The following PRKD1 variants were observed in gnomAD, a reference collection of about 807,000 sequenced individuals.
PRKD1 encodes the protein protein kinase D1, also known as serine/threonine-protein kinase D1.
PRKD1 carries 63 observed loss-of-function variants against 95.9 expected under a neutral mutation model. That is an observed-to-expected ratio of 0.66 (90% CI 0.54 to 0.81). The LOEUF is 0.81. Among genes scored for constraint, PRKD1 ranks in the 30% least tolerant of loss-of-function variants. The probability of loss-of-function intolerance (pLI) is 0.00; values close to 1 mark genes in which losing one functional copy is unlikely to be tolerated. For missense variants in PRKD1, 1,048 were observed against 1,165.3 expected (o/e 0.90, Z 1.47); for synonymous variants, 425 against 423.1 (o/e 1.00, Z -0.05).
intron 4 of PRKD1, among the ~76,000 whole-genome samples, chr14:29,655,997 C>A (rs1356980464): frequency 6.6e-6 from 1 of 151,012 alleles, no homozygotes; most frequent in Non-Finnish European, 1.5e-5. Flanking sequence ...CAGTTACAGC[C>A]ATCTTTAGGC....
At chr14:29,893,851 G>A (rs975758824) in intron 1 of PRKD1, among the ~76,000 whole-genome samples, 6 of 152,128 alleles carry the variant, frequency 3.9e-5, no homozygotes, top group Admixed American at 1.3e-4. Context: ...CTGCCTGTGA[G>A]GCTATATTTA....
chr14:29,904,876 A>G (rs2139435336), intron 1 of PRKD1, among the ~76,000 whole-genome samples: 1 of 152,350 alleles, frequency 6.6e-6, no homozygotes, highest in Admixed American at 6.5e-5. Context: ...TTGTAAAATC[A>G]TCGGTCTAAA....
At chr14:29,628,310 T>A (rs1012894253) in intron 11 of PRKD1, among the ~76,000 whole-genome samples, 2 of 152,228 alleles carry the variant, frequency 1.3e-5, no homozygotes, top group African/African-American at 4.8e-5. Flanking sequence ...TAAACTGCAT[T>A]CTTTTGGCCA....
At chr14:29,641,754 A>G (rs928840268) in intron 4 of PRKD1, among the ~76,000 whole-genome samples, 5 of 152,228 alleles carry the variant, frequency 3.3e-5, no homozygotes, top group Non-Finnish European at 5.9e-5. Flanking sequence ...TTGTTGATAC[A>G]TAACAGATTA....
chr14:29,922,519 T>C (rs987464530), intron 1 of PRKD1, among the ~76,000 whole-genome samples: 22 of 152,146 alleles, frequency 1.4e-4, no homozygotes, highest in Non-Finnish European at 2.6e-4. Context: ...AAATTCCACA[T>C]CTGTAATACA....
At chr14:29,632,977 T>TA (rs757514593) in intron 8 of PRKD1, 31 bp from the exon 9 acceptor site, 203 of 1,541,982 alleles carry the variant, frequency 1.3e-4, no homozygotes, top group Non-Finnish European at 1.8e-4. Flanking sequence ...AAGATCTTTT[T>TA]AAAAAACTTT....
chr14:29,716,300 G>T (rs1446791984), intron 2 of PRKD1, among the ~76,000 whole-genome samples: 5 of 152,162 alleles, frequency 3.3e-5, no homozygotes, highest in Non-Finnish European at 7.4e-5. Flanking sequence ...AGAGAAGCTT[G>T]ATATGTCCTT....
chr14:29,689,465 C>CA (rs148283686), intron 2 of PRKD1, among the ~76,000 whole-genome samples: 3,047 of 151,916 alleles, frequency 0.02, 95 homozygotes, highest in East Asian at 0.094. Flanking sequence ...ACAACAACAA[C>CA]AAAAAAACAA....
intron 1 of PRKD1, among the ~76,000 whole-genome samples, chr14:29,821,988 T>C (rs1427592578): frequency 1.3e-5 from 2 of 152,110 alleles, no homozygotes; most frequent in African/African-American, 2.4e-5. Context: ...TACCCTCTCA[T>C]AGAGACCGTG....
At chr14:29,772,605 TAATGTC>T (rs1307146562) in intron 1 of PRKD1, among the ~76,000 whole-genome samples, 2 of 152,240 alleles carry the variant, frequency 1.3e-5, no homozygotes, top group Non-Finnish European at 2.9e-5. Context: ...GATACCTACT[TAATGTC>T]AATCACATTT....
chr14:29,650,161 G>A (rs558789962), intron 4 of PRKD1: 1 of 152,356 alleles, frequency 6.6e-6, no homozygotes, highest in Non-Finnish European at 1.5e-5. Flanking sequence ...TCTCTGTTGG[G>A]GTGTGAGTTT....
intron 2 of PRKD1, among the ~76,000 whole-genome samples, chr14:29,690,890 C>A (rs1422442655): frequency 6.6e-6 from 1 of 152,162 alleles, no homozygotes; most frequent in Non-Finnish European, 1.5e-5. Flanking sequence ...CATTGGACTT[C>A]TCTTAACTTC....
At chr14:29,903,296 T>C (rs1894383452) in intron 1 of PRKD1, among the ~76,000 whole-genome samples, 1 of 152,236 alleles carries the variant, frequency 6.6e-6, no homozygotes, top group Non-Finnish European at 1.5e-5. Context: ...CAAATCATTC[T>C]GCATTTCATT....
At chr14:29,603,665 C>T (rs1225208794) in intron 13 of PRKD1, among the ~76,000 whole-genome samples, 1 of 152,098 alleles carries the variant, frequency 6.6e-6, no homozygotes, top group African/African-American at 2.4e-5. Context: ...AGCCTTTAAA[C>T]CATTTCCTCC....
At chr14:29,838,442 T>G (rs1891695699) in intron 1 of PRKD1, among the ~76,000 whole-genome samples, 1 of 152,186 alleles carries the variant, frequency 6.6e-6, no homozygotes, top group African/African-American at 2.4e-5. Context: ...TGTATAATCC[T>G]TCCAAGAAAT....
intron 9 of PRKD1, among the ~76,000 whole-genome samples, chr14:29,631,389 C>G (rs1243571178): frequency 6.6e-6 from 1 of 151,950 alleles, no homozygotes; most frequent in Non-Finnish European, 1.5e-5. Context: ...GCAGACATGG[C>G]TATTTTTAAA....
At chr14:29,631,852 A>G (rs1229165626) in intron 9 of PRKD1, among the ~76,000 whole-genome samples, 2 of 150,146 alleles carry the variant, frequency 1.3e-5, no homozygotes, top group Non-Finnish European at 3.0e-5. Context: ...CTCAGGCTGG[A>G]GTGCATTGGT....
rs1178227055 is a variant in PRKD1, at chr14:29,826,523, C to CAT, written c.264+100724_264+100725dup. Among the ~76,000 whole-genome samples the CAT allele has an allele frequency of 1.7e-4, 19 of 114,894 alleles. 3 individuals carry two copies. Among genetic ancestry groups the CAT allele is most frequent in the African/African-American group, 5.7e-4 (17 of 29,672 alleles). The allele number at this position is 114,894 out of a possible 152,430, so 75.4% of individuals were successfully genotyped here. Reference sequence around the variant, plus strand: ...ATATATATGATGGAATATATGTATACATATATATGATGGAATATATGTATA... The same window carrying CAT: ...ATATATATGATGGAATATATGTATACATATATATATGATGGAATATATGTATA... On this transcript the variant is annotated intron_variant, in intron 1 of 17. Transcript: ENST00000331968.
intron 1 of PRKD1, among the ~76,000 whole-genome samples, chr14:29,812,311 G>A (rs1890522393): frequency 6.6e-6 from 1 of 152,104 alleles, no homozygotes; most frequent in Non-Finnish European, 1.5e-5. Context: ...CCTATACCTA[G>A]ATATAACCGG....
Sources: gnomAD v4.1 joint callset for allele counts (sites outside exome capture counted in the v4.1 genomes callset) on GRCh38, gnomAD v4.1.1 for gene constraint, MANE v1.5 for transcripts, NCBI Gene and HGNC (gene_info 2026-07-23, HGNC 2026-07-21) for gene names.